PI4KA: variants seen among roughly 807,000 people sequenced by gnomAD.
PI4KA encodes the protein phosphatidylinositol 4-kinase alpha.
Under a neutral mutation model 271.4 loss-of-function variants are expected in PI4KA, and 122 were observed. The ratio of observed to expected loss-of-function variants is 0.45; its 90% confidence interval spans 0.39 to 0.52. The LOEUF is 0.52. PI4KA is among the 20% of genes least tolerant of loss of function. PI4KA has a pLI of 0.00. For synonymous variants in PI4KA, 1,041 were observed against 1,078.8 expected, an observed-to-expected ratio of 0.96 and a Z score of 0.69; for missense variants, 1,969 against 2,769.1, an observed-to-expected ratio of 0.71 and a Z score of 6.48.
At chr22:20,753,218 C>G (rs1200596649) in intron 23 of PI4KA, 38 bp from the exon 24 acceptor site, 7 of 1,562,576 alleles carry the variant, frequency 4.5e-6, no homozygotes, top group South Asian at 2.2e-5. Context: ...GGTGCAGCAA[C>G]AGAGAGAGAA....
At chr22:20,755,553 C>T (rs975585534) in intron 23 of PI4KA, among the ~76,000 whole-genome samples, 4 of 152,204 alleles carry the variant, frequency 2.6e-5, no homozygotes, top group African/African-American at 9.7e-5. Context: ...GTAATCCCAG[C>T]ATTTTGGGAG....
intron 18 of PI4KA, among the ~76,000 whole-genome samples, chr22:20,795,293 C>A (rs1176190153): frequency 6.6e-6 from 1 of 151,614 alleles, no homozygotes; most frequent in Non-Finnish European, 1.5e-5. Flanking sequence ...AACTTTCTAG[C>A]TCATTACAAA....
chr22:20,782,377 C>T (rs1057411617), intron 19 of PI4KA, among the ~76,000 whole-genome samples: 6 of 152,204 alleles, frequency 3.9e-5, no homozygotes, highest in African/African-American at 1.2e-4. Flanking sequence ...AATAGTCACT[C>T]AATGCCGGGC....
Position 20,742,371 on chromosome 22 carries a change from CGTCA to C in PI4KA, c.3614-20_3614-17del, listed in dbSNP as rs760952683. On this transcript the variant is annotated splice_polypyrimidine_tract_variant and intron_variant, in intron 31 of 54. Transcript: ENST00000255882. ...GGGTCACAATCTGGAACCAAACACA[CGTCA>C]GTCAGAGGCCTCCAACAACAGCTGA... 7 of 1,611,918 alleles carry C rather than the reference CGTCA, an allele frequency of 4.3e-6. No individual in the cohort carries two copies. Among genetic ancestry groups the C allele is most frequent in the Non-Finnish European group, 5.9e-6 (7 of 1,178,734 alleles).
intron 23 of PI4KA, among the ~76,000 whole-genome samples, chr22:20,760,258 T>A (rs1235236892): frequency 1.3e-5 from 2 of 152,226 alleles, no homozygotes; most frequent in Non-Finnish European, 2.9e-5. Flanking sequence ...AAACATGATT[T>A]CATCATAATT....
chr22:20,788,619 G>A (rs556027157), intron 19 of PI4KA, among the ~76,000 whole-genome samples: 1 of 152,330 alleles, frequency 6.6e-6, no homozygotes, highest in East Asian at 1.9e-4. Context: ...TCCTTACTCT[G>A]CTGAGAGCAG....
intron 18 of PI4KA, 98 bp downstream of exon 18, chr22:20,796,048 A>G: frequency 1.8e-6 from 2 of 1,100,940 alleles, no homozygotes; most frequent in Non-Finnish European, 2.7e-6. Flanking sequence ...ATTCACAAAG[A>G]AAGTGCCATA....
chr22:20,779,876 T>A, intron 19 of PI4KA: 1 of 1,614,258 alleles, frequency 6.2e-7, no homozygotes, highest in Non-Finnish European at 8.5e-7. Context: ...ACTTTGTTAA[T>A]GCCAGCAGCA....
chr22:20,835,915 G>T (rs901611493), intron 2 of PI4KA, among the ~76,000 whole-genome samples: 1 of 151,994 alleles, frequency 6.6e-6, no homozygotes, highest in Admixed American at 6.6e-5. Context: ...AGGCATGGTG[G>T]TGGGCACCTG....
intron 10 of PI4KA, 69 bp downstream of exon 10, chr22:20,807,293 C>G (rs1935714979): frequency 1.1e-6 from 1 of 949,978 alleles, no homozygotes; most frequent in African/African-American, 1.6e-5. Context: ...TCTGCAACCA[C>G]TAGCATGCGA....
At chr22:20,776,529 C>A (rs775933302) in intron 19 of PI4KA, among the ~76,000 whole-genome samples, 2 of 152,128 alleles carry the variant, frequency 1.3e-5, no homozygotes, top group Non-Finnish European at 2.9e-5. Flanking sequence ...TTTGAACTTA[C>A]TATTTCAACA....
intron 2 of PI4KA, 147 bp downstream of exon 2, chr22:20,838,467 CT>C (rs113872378): frequency 5.3e-4 from 277 of 520,774 alleles, no homozygotes; most frequent in African/African-American, 4.7e-3. Context: ...TCATTCCCAC[CT>C]TGTCCTACCC....
At position 20,854,461 on chromosome 22, in the gene PI4KA, A is replaced by T. The variant is rs182083717; in HGVS notation, c.156+4109T>A. ...TTTTAAGTAAAGTCCACAGAGCAGT[A>T]ATAGGCTTGGTTTCATGGACTGGGA... is the stretch of plus-strand genomic sequence containing the variant. On this transcript the variant is annotated intron_variant, in intron 1 of 54. Transcript: ENST00000255882. Among the ~76,000 whole-genome samples, 420 of 152,204 alleles carry T rather than the reference A, an allele frequency of 2.8e-3. 1 individual carries two copies. The highest frequency in any genetic ancestry group is 9.1e-3 in the African/African-American group (380 of 41,546).
Position 20,747,629 on chromosome 22 carries a change from C to A in PI4KA, c.3317G>T (p.Ser1106Ile). ...QHTGLAMATE[S>I]ILHFAGYNKQ... is the part of the protein sequence containing the mutation. ...GTTGTAGCCAGCAAAGTGAAGGATG[C>A]TCTCAGTGGCCATGGCCAGCCCCGT... Residue 1106 changes from serine (S) to isoleucine (I), a missense_variant, in exon 29 of 55, where the codon AGC becomes ATC. This residue lies in a region of PI4KA where 203 missense variants were observed against 256.8 expected (regional missense o/e 0.79). Coordinates refer to ENST00000255882, the MANE Select transcript of PI4KA (RefSeq NM_058004.4). The A allele has an allele frequency of 6.2e-7, 1 of 1,614,118 alleles. No individual in the cohort carries two copies. The highest frequency in any genetic ancestry group is 2.2e-5 in the East Asian group (1 of 44,872).
In PI4KA at chr22:20,734,036, C is replaced by T. The variant is rs892060688; in HGVS notation, c.4052+7G>A. The T allele has an allele frequency of 1.9e-6, 3 of 1,575,420 alleles. No homozygotes were observed. Among genetic ancestry groups the T allele is most frequent in the African/African-American group, 2.7e-5 (2 of 74,170 alleles). On this transcript the variant is annotated splice_region_variant and intron_variant, in intron 34 of 54. Transcript: ENST00000255882. Reference sequence around the variant, plus strand: ...GGCCCTGTGCTCCCCAGGAAGAGGGCCCTCACTTGAAGCGGGGCCCGATGG... The same window carrying T: ...GGCCCTGTGCTCCCCAGGAAGAGGGTCCTCACTTGAAGCGGGGCCCGATGG...
intron 1 of PI4KA, among the ~76,000 whole-genome samples, chr22:20,854,428 AT>A (rs907320038): frequency 2.1e-4 from 32 of 148,922 alleles, no homozygotes; most frequent in Admixed American, 4.0e-4. Flanking sequence ...GCCTAAGGTA[AT>A]TTTTTTTTTT....
intron 7 of PI4KA, among the ~76,000 whole-genome samples, chr22:20,817,203 A>G (rs988805174): frequency 6.6e-6 from 1 of 152,126 alleles, no homozygotes; most frequent in Non-Finnish European, 1.5e-5. Flanking sequence ...TTCCCCTCAC[A>G]TCTCTCGAAA....
intron 2 of PI4KA, among the ~76,000 whole-genome samples, chr22:20,837,495 ATTC>A (rs1925011700): frequency 6.6e-6 from 1 of 152,214 alleles, no homozygotes; most frequent in Non-Finnish European, 1.5e-5. Flanking sequence ...TATAATTAAA[ATTC>A]TTATTTGTTT....
At chr22:20,780,007 T>A (rs766303423) in intron 19 of PI4KA, 2 of 1,614,174 alleles carry the variant, frequency 1.2e-6, no homozygotes, top group Non-Finnish European at 1.7e-6. Flanking sequence ...CAGTTTCCAA[T>A]CCTGCTTGAC....
Sources: allele counts gnomAD v4.1 joint callset (sites outside exome capture counted in the v4.1 genomes callset), GRCh38; gene constraint gnomAD v4.1.1; regional missense constraint gnomAD v4.1.1; transcripts MANE v1.5; gene names NCBI Gene and HGNC (gene_info 2026-07-23, HGNC 2026-07-21).